The following ST6GAL1 variants were observed in gnomAD, a reference collection of about 807,000 sequenced individuals.
ST6GAL1 encodes ST6 beta-galactoside alpha-2,6-sialyltransferase 1.
In ST6GAL1, 20 loss-of-function variants were observed where a neutral mutation model predicts 38.0. The ratio of observed to expected loss-of-function variants is 0.53; its 90% confidence interval spans 0.37 to 0.77. The LOEUF (loss-of-function observed/expected upper bound fraction) is 0.77. Ranked by LOEUF, ST6GAL1 falls within the 30% of genes least tolerant of loss-of-function variation. ST6GAL1 has a pLI of 0.00. For missense variants in ST6GAL1, 432 were observed against 496.4 expected (o/e 0.87, Z 1.23); for synonymous variants, 196 against 188.2 (o/e 1.04, Z -0.34).
chr3:186,939,982 C>G (rs537184543), intron 1 of ST6GAL1, among the ~76,000 whole-genome samples: 52 of 152,202 alleles, frequency 3.4e-4, no homozygotes, highest in Non-Finnish European at 5.1e-4. Flanking sequence ...CTCTAACTTG[C>G]TGTTACACCC....
chr3:186,984,810 T>C (rs140105564), intron 2 of ST6GAL1, among the ~76,000 whole-genome samples: 5 of 36,306 alleles, frequency 1.4e-4, no homozygotes, highest in South Asian at 1.4e-3. Context: ...CTTCCATCCT[T>C]CCTTCCTTCC....
chr3:187,054,946 A>G (rs772666102), intron 5 of ST6GAL1, among the ~76,000 whole-genome samples: 7 of 152,106 alleles, frequency 4.6e-5, no homozygotes, highest in Non-Finnish European at 1.5e-5. Flanking sequence ...TTGGTTGGTT[A>G]GGCTATTAGT....
chr3:186,931,314 G>A (rs1981767), intron 1 of ST6GAL1: 31,340 of 152,326 alleles, frequency 0.21, 4,057 homozygotes, highest in Non-Finnish European at 0.29. Context: ...CTGCGGTGCC[G>A]GGCCATTGTC....
intron 5 of ST6GAL1, chr3:187,064,732 T>C (rs559588058): frequency 3.7e-5 from 15 of 410,198 alleles, no homozygotes; most frequent in African/African-American, 3.1e-4. Context: ...TGAACTGTGA[T>C]GGACACTTTC....
chr3:187,020,208 A>G (rs1717250074), intron 2 of ST6GAL1, among the ~76,000 whole-genome samples: 1 of 152,196 alleles, frequency 6.6e-6, no homozygotes, highest in Non-Finnish European at 1.5e-5. Context: ...GAGGCAGAGA[A>G]TTGCTTGAAC....
intron 4 of ST6GAL1, among the ~76,000 whole-genome samples, chr3:187,047,749 A>T (rs1372802478): frequency 3.3e-5 from 5 of 151,622 alleles, no homozygotes; most frequent in African/African-American, 1.2e-4. Context: ...GACAAACAGG[A>T]TTTTTTTCTC....
At chr3:186,985,685 C>T (rs909943145) in intron 2 of ST6GAL1, among the ~76,000 whole-genome samples, 31 of 148,864 alleles carry the variant, frequency 2.1e-4, no homozygotes, top group East Asian at 7.8e-4. Flanking sequence ...TGAGGAGGGA[C>T]GATTGCTTGA....
Position 187,043,083 on chromosome 3 carries a change from A to G in ST6GAL1, c.380A>G (p.Lys127Arg), listed in dbSNP as rs772743022. The G allele has an allele frequency of 3.1e-6, 5 of 1,614,090 alleles. No homozygotes were observed. The highest frequency in any genetic ancestry group is 3.3e-5 in the Admixed American group (2 of 60,002). ...LSMNKYKVSY[K>R]GPGPGIKFSA... ...ATGAACAAGTACAAAGTGTCCTACA[A>G]GGGGCCAGGACCAGGCATCAAGTTC... Residue 127 changes from lysine to arginine, a missense_variant, in exon 4 of 8, where the codon AAG becomes AGG. Coordinates refer to ENST00000169298, the MANE Select transcript of ST6GAL1 (RefSeq NM_173216.2).
At chr3:187,031,440 CT>C (rs530077232) in intron 2 of ST6GAL1, among the ~76,000 whole-genome samples, 169 of 145,170 alleles carry the variant, frequency 1.2e-3, no homozygotes, top group Non-Finnish European at 1.2e-3. Flanking sequence ...AGTGGATTAT[CT>C]TTTTTTTTTT....
chr3:187,015,088 G>C (rs1458854119), intron 2 of ST6GAL1, among the ~76,000 whole-genome samples: 1 of 152,158 alleles, frequency 6.6e-6, no homozygotes, highest in Non-Finnish European at 1.5e-5. Flanking sequence ...TTGTTTCTCT[G>C]GGAGCCATAA....
At chr3:187,007,237 G>T (rs939538473) in intron 2 of ST6GAL1, among the ~76,000 whole-genome samples, 15 of 152,220 alleles carry the variant, frequency 9.9e-5, no homozygotes, top group Non-Finnish European at 2.9e-5. Context: ...AAAGCCACTG[G>T]AAGCCAGAGA....
chr3:186,999,874 T>G (rs1234545587), intron 2 of ST6GAL1, among the ~76,000 whole-genome samples: 1 of 151,576 alleles, frequency 6.6e-6, no homozygotes, highest in Non-Finnish European at 1.5e-5. Flanking sequence ...AGAGACAGAG[T>G]CCTCCTCTGT....
chr3:187,017,982 A>G (rs1717172545), intron 2 of ST6GAL1, among the ~76,000 whole-genome samples: 1 of 152,114 alleles, frequency 6.6e-6, no homozygotes, highest in African/African-American at 2.4e-5. Flanking sequence ...TTTTGTTGCC[A>G]TTTGGTTCTC....
chr3:187,022,667 C>T (rs1322852369), intron 2 of ST6GAL1, among the ~76,000 whole-genome samples: 1 of 152,144 alleles, frequency 6.6e-6, no homozygotes, highest in Non-Finnish European at 1.5e-5. Flanking sequence ...TATCGATTCT[C>T]TGGAGATGCA....
At chr3:187,033,553 G>C (rs372602812) in intron 2 of ST6GAL1, among the ~76,000 whole-genome samples, 1 of 152,116 alleles carries the variant, frequency 6.6e-6, no homozygotes, top group Non-Finnish European at 1.5e-5. Context: ...CACCATCTGA[G>C]TATACAGGTA....
At position 187,069,142 on chromosome 3, in the gene ST6GAL1, T is replaced by TG. The variant is rs1395067198; in HGVS notation, c.706-3707_706-3706insG. 2.0e-5 allele frequency among the ~76,000 whole-genome samples: 3 copies of TG among 152,040 alleles called. No individual in the cohort carries two copies. The East Asian group carries it at 5.8e-4, about 29-fold the overall frequency. On this transcript the variant is annotated intron_variant, in intron 5 of 7. Coordinates refer to ENST00000169298, the MANE Select transcript of ST6GAL1 (RefSeq NM_173216.2). ...CTCATCCTTGAACTTCTTCTTTTTT[T>TG]TTTTTTTTCTCAAGACGGAGTCTCG... is the stretch of plus-strand genomic sequence containing the variant.
chr3:187,024,353 A>G (rs60163790), intron 2 of ST6GAL1, among the ~76,000 whole-genome samples: 36 of 151,528 alleles, frequency 2.4e-4, no homozygotes, highest in Non-Finnish European at 3.4e-4. Context: ...TCGGCCTCCC[A>G]AAGTGCTGGG....
chr3:187,052,782 G>T (rs1718561363), intron 5 of ST6GAL1, among the ~76,000 whole-genome samples: 1 of 152,182 alleles, frequency 6.6e-6, no homozygotes, highest in Non-Finnish European at 1.5e-5. Context: ...CTTTATAGCA[G>T]CATGATTTAT....
intron 5 of ST6GAL1, among the ~76,000 whole-genome samples, chr3:187,068,698 C>G (rs1719258258): frequency 6.6e-6 from 1 of 152,160 alleles, no homozygotes; most frequent in African/African-American, 2.4e-5. Flanking sequence ...TTTGCATACT[C>G]AAAATTGCTG....
Sources: allele counts gnomAD v4.1 joint callset (sites outside exome capture counted in the v4.1 genomes callset), GRCh38; gene constraint gnomAD v4.1.1; transcripts MANE v1.5; gene names NCBI Gene and HGNC (gene_info 2026-07-23, HGNC 2026-07-21).